The following CREB3L2 variants were observed in gnomAD, a reference collection of about 807,000 sequenced individuals.
CREB3L2 encodes the protein cAMP responsive element binding protein 3 like 2.
CREB3L2 carries 23 observed loss-of-function variants against 57.2 expected under a neutral mutation model. The observed-to-expected ratio is 0.40, with a 90% CI of 0.29 to 0.57. The LOEUF is 0.57. Ranked by LOEUF, CREB3L2 falls within the 20% of genes least tolerant of loss-of-function variation. The pLI is 0.42. For synonymous variants in CREB3L2, 268 were observed against 265.1 expected (o/e 1.01, Z -0.11); for missense variants, 628 against 634.7 (o/e 0.99, Z 0.11).
At chr7:137,928,921 G>A (rs1479618717) in intron 1 of CREB3L2, among the ~76,000 whole-genome samples, 4 of 152,132 alleles carry the variant, frequency 2.6e-5, no homozygotes, top group South Asian at 4.1e-4. Context: ...TGGACAGTGC[G>A]GGGGGCATGA....
At chr7:137,908,484 G>C in intron 4 of CREB3L2, 48 bp from the exon 5 acceptor site, 2 of 1,219,492 alleles carry the variant, frequency 1.6e-6, no homozygotes. Context: ...CACAAAGCAG[G>C]ACACAACTGA....
chr7:137,915,445 G>GGA (rs1312780029), intron 3 of CREB3L2, among the ~76,000 whole-genome samples: 1 of 152,108 alleles, frequency 6.6e-6, no homozygotes, highest in Non-Finnish European at 1.5e-5. Context: ...ATATTACACA[G>GGA]GAGCTCACAT....
At chr7:137,941,909 A>G (rs1177904665) in intron 1 of CREB3L2, among the ~76,000 whole-genome samples, 1 of 152,256 alleles carries the variant, frequency 6.6e-6, no homozygotes, top group Non-Finnish European at 1.5e-5. Flanking sequence ...ATACCATAAA[A>G]AATGATGAAG....
At chr7:137,998,619 C>G (rs13240845) in intron 1 of CREB3L2, among the ~76,000 whole-genome samples, 122,988 of 152,190 alleles carry the variant, frequency 0.81, 51,091 homozygotes, top group Non-Finnish European at 0.92. Flanking sequence ...CTTAAACTCA[C>G]GAAGCCTCAT....
intron 5 of CREB3L2, among the ~76,000 whole-genome samples, chr7:137,906,308 T>G (rs1705091751): frequency 6.6e-6 from 1 of 152,146 alleles, no homozygotes; most frequent in African/African-American, 2.4e-5. Context: ...CCTCCACTTT[T>G]AGCTAAGAGT....
intron 6 of CREB3L2, among the ~76,000 whole-genome samples, chr7:137,905,288 T>A (rs1007530188): frequency 1.4e-5 from 2 of 147,768 alleles, no homozygotes; most frequent in African/African-American, 4.9e-5. Context: ...ATATATATAA[T>A]ATATATATAT....
intron 7 of CREB3L2, among the ~76,000 whole-genome samples, chr7:137,902,154 A>G (rs1799775277): frequency 7.4e-6 from 1 of 134,692 alleles, no homozygotes; most frequent in Non-Finnish European, 1.5e-5. Context: ...AGATCATGCC[A>G]CAGCACTCCA....
chr7:137,952,802 T>TA (rs961616894), intron 1 of CREB3L2, among the ~76,000 whole-genome samples: 2 of 152,148 alleles, frequency 1.3e-5, no homozygotes, highest in African/African-American at 4.8e-5. Context: ...AGTTTAAGAA[T>TA]AATTGTTTTT....
rs553467254 is a variant in CREB3L2, at chr7:137,890,587, T to C, written c.1044-5085A>G. 2.3e-4 allele frequency among the ~76,000 whole-genome samples: 35 copies of C among 152,314 alleles called. 1 individual carries two copies. The Middle Eastern group carries it at 0.01, about 44-fold the overall frequency. Reference sequence around the variant, plus strand: ...TTGACCACATCAGCTCATGGAATAATGAGAAAATGCCCCCTCCCAGGGTAA... The same window carrying C: ...TTGACCACATCAGCTCATGGAATAACGAGAAAATGCCCCCTCCCAGGGTAA... On this transcript the variant is annotated intron_variant, in intron 8 of 11. Coordinates refer to ENST00000330387, the MANE Select transcript of CREB3L2 (RefSeq NM_194071.4).
At chr7:137,966,120 G>T (rs965007573) in intron 1 of CREB3L2, among the ~76,000 whole-genome samples, 3 of 152,168 alleles carry the variant, frequency 2.0e-5, no homozygotes, top group Non-Finnish European at 4.4e-5. Flanking sequence ...GTTGGGAGGG[G>T]CATCAAGACA....
intron 1 of CREB3L2, among the ~76,000 whole-genome samples, chr7:137,947,100 C>G (rs1801011521): frequency 6.7e-6 from 1 of 148,456 alleles, no homozygotes; most frequent in African/African-American, 2.5e-5. Context: ...CTCTCTCTCT[C>G]TCGCTCTCTC....
chr7:137,894,260 C>G (rs1799576143), intron 8 of CREB3L2, among the ~76,000 whole-genome samples: 2 of 152,182 alleles, frequency 1.3e-5, no homozygotes, highest in South Asian at 4.1e-4. Context: ...ACACAATCCC[C>G]ACTGAGAGCA....
chr7:137,895,865 T>C (rs777790789), intron 8 of CREB3L2, among the ~76,000 whole-genome samples: 2 of 152,200 alleles, frequency 1.3e-5, no homozygotes, highest in Non-Finnish European at 2.9e-5. Context: ...CCACCCCCCA[T>C]TTCTGGTGAC....
chr7:137,912,411 A>G (rs1011761464), intron 4 of CREB3L2, among the ~76,000 whole-genome samples: 1 of 151,562 alleles, frequency 6.6e-6, no homozygotes, highest in Non-Finnish European at 1.5e-5. Flanking sequence ...CACCTCAAGG[A>G]TGTGTTAATT....
chr7:137,927,144 G>T (rs1201711031), intron 2 of CREB3L2, among the ~76,000 whole-genome samples: 2 of 151,450 alleles, frequency 1.3e-5, no homozygotes, highest in Non-Finnish European at 2.9e-5. Context: ...GGATGACAGA[G>T]CAAGACCCTG....
intron 8 of CREB3L2, among the ~76,000 whole-genome samples, chr7:137,896,342 C>T (rs1055852545): frequency 2.6e-5 from 4 of 152,186 alleles, no homozygotes; most frequent in Admixed American, 2.6e-4. Flanking sequence ...CCTCTTGTTG[C>T]CCAGGTTAGA....
intron 1 of CREB3L2, among the ~76,000 whole-genome samples, chr7:137,972,229 A>T (rs1250293972): frequency 6.6e-6 from 1 of 152,086 alleles, no homozygotes; most frequent in Non-Finnish European, 1.5e-5. Context: ...TCACAATGTC[A>T]GGAGTTCGAG....
In CREB3L2 at chr7:137,880,994, A is replaced by C. The variant is rs538615554; in HGVS notation, c.1488-443T>G. ...AAATAATAATAAATCCATAACAGAAAATAAATACATTATTAAATTGTGTAA... is the reference window on the plus strand; with the variant it reads ...AAATAATAATAAATCCATAACAGAACATAAATACATTATTAAATTGTGTAA... On this transcript the variant is annotated intron_variant, in intron 11 of 11. Coordinates refer to ENST00000330387, the MANE Select transcript of CREB3L2 (RefSeq NM_194071.4). This position sits in a 1 kb window ranked among gnomAD's most constrained non-coding sequence, Gnocchi z 4.0. Among the ~76,000 whole-genome samples, 1 of 152,374 alleles carries C rather than the reference A, an allele frequency of 6.6e-6. No individual in the cohort carries two copies. Among genetic ancestry groups the C allele is most frequent in the East Asian group, 1.9e-4 (1 of 5,192 alleles).
rs766838434 is a variant in CREB3L2, at chr7:137,876,380, A to T, written c.*4096T>A. On this transcript the variant is annotated 3_prime_UTR_variant, in exon 12 of 12. Transcript: ENST00000330387. ...TGTGTGTGTGTGTGTCAGAGAGAGA[A>T]GAAGGGAGAGAGAAGTATAAGCATT... is the stretch of plus-strand genomic sequence containing the variant. 1 of 230,248 alleles carries T rather than the reference A, an allele frequency of 4.3e-6. No homozygotes were observed. Among genetic ancestry groups the T allele is most frequent in the South Asian group, 1.8e-4 (1 of 5,448 alleles). The allele number at this position is 230,248 out of a possible 1,614,324, so 14.3% of individuals were successfully genotyped here.
Sources: allele counts gnomAD v4.1 joint callset (sites outside exome capture counted in the v4.1 genomes callset), GRCh38; gene constraint gnomAD v4.1.1; non-coding constraint Gnocchi (gnomAD v3.1); transcripts MANE v1.5; gene names NCBI Gene and HGNC (gene_info 2026-07-23, HGNC 2026-07-21).